Variants in PDE4D observed in about 807,000 individuals in gnomAD.
The protein encoded by PDE4D is 3',5'-cyclic-AMP phosphodiesterase 4D.
PDE4D carries 24 observed loss-of-function variants against 87.4 expected under a neutral mutation model. The ratio of observed to expected loss-of-function variants is 0.27; its 90% CI spans 0.20 to 0.39. The LOEUF is 0.39. Among genes scored for constraint, PDE4D ranks in the 10% least tolerant of loss-of-function variants. The pLI is 1.00. For synonymous variants in PDE4D, 384 were observed against 383.2 expected (o/e 1.00, Z -0.02); for missense variants, 714 against 1,041.0 (o/e 0.69, Z 4.32).
At chr5:59,668,167 A>G (rs1376559556) in intron 1 of PDE4D, among the ~76,000 whole-genome samples, 1 of 152,214 alleles carries the variant, frequency 6.6e-6, no homozygotes, top group Non-Finnish European at 1.5e-5. Context: ...TGTAATTGGG[A>G]GTAAAGGGAG....
chr5:60,187,332 T>C lies in PDE4D; in HGVS notation c.-89-1645A>G, dbSNP rs561875859. On this transcript the variant is annotated intron_variant, in intron 1 of 16. Transcript: ENST00000502484. ...ATAGGTCCCAGAAAATGCAGAATTATGTTACTCATGTAATTTAGGAATTGG... is the reference window on the plus strand; with the variant it reads ...ATAGGTCCCAGAAAATGCAGAATTACGTTACTCATGTAATTTAGGAATTGG... Among the ~76,000 whole-genome samples the C allele has an allele frequency of 4.6e-5, 7 of 152,332 alleles. No homozygotes were observed. The East Asian group carries it at 1.2e-3, about 25-fold the overall frequency.
At chr5:59,921,273 GT>G (rs1332821166) in intron 3 of PDE4D, among the ~76,000 whole-genome samples, 1 of 152,040 alleles carries the variant, frequency 6.6e-6, no homozygotes, top group Admixed American at 6.6e-5. Context: ...AAAAATTAAT[GT>G]TTTTTGCAAA....
intron 1 of PDE4D, among the ~76,000 whole-genome samples, chr5:60,332,105 C>T (rs571778059): frequency 1.5e-4 from 23 of 152,294 alleles, no homozygotes; most frequent in Middle Eastern, 3.4e-3. Flanking sequence ...ATTAAACATA[C>T]TTTGTATAAT....
chr5:59,574,150 ATATT>A (rs1561242506), intron 1 of PDE4D, among the ~76,000 whole-genome samples: 87 of 73,952 alleles, frequency 1.2e-3, no homozygotes, highest in African/African-American at 4.6e-3. Flanking sequence ...ATATAAATAT[ATATT>A]TATATATATA....
chr5:59,221,381 C>T (rs1476339886), intron 1 of PDE4D, among the ~76,000 whole-genome samples: 5 of 152,138 alleles, frequency 3.3e-5, no homozygotes, highest in Non-Finnish European at 5.9e-5. Context: ...CCTATAATCC[C>T]AGCACTTTAG....
At chr5:59,320,996 G>A (rs774144149) in intron 1 of PDE4D, among the ~76,000 whole-genome samples, 15 of 151,820 alleles carry the variant, frequency 9.9e-5, no homozygotes, top group African/African-American at 2.9e-4. Context: ...TTCTAAAGTC[G>A]GTTGCTCTAA....
intron 1 of PDE4D, among the ~76,000 whole-genome samples, chr5:59,877,816 CA>C (rs11375742): frequency 1.3e-5 from 2 of 150,530 alleles, no homozygotes; most frequent in African/African-American, 4.9e-5. Context: ...AAGATTCTGC[CA>C]AAAAAAAGAG....
intron 1 of PDE4D, among the ~76,000 whole-genome samples, chr5:59,814,682 G>C (rs145319762): frequency 6.6e-6 from 1 of 152,130 alleles, no homozygotes; most frequent in Non-Finnish European, 1.5e-5. Flanking sequence ...CAGACCTCTC[G>C]CCACAAAAGG....
chr5:60,118,428 A>G (rs1298073081), intron 2 of PDE4D, among the ~76,000 whole-genome samples: 2 of 152,090 alleles, frequency 1.3e-5, no homozygotes, highest in Non-Finnish European at 2.9e-5. Context: ...ATGCTTTTCA[A>G]TTTGTGCCTG....
intron 1 of PDE4D, among the ~76,000 whole-genome samples, chr5:59,691,616 T>C (rs1256731237): frequency 2.6e-5 from 4 of 151,538 alleles, no homozygotes; most frequent in Non-Finnish European, 4.4e-5. Flanking sequence ...ATATACGTAA[T>C]GTAAATGACA....
At chr5:59,390,386 T>C (rs1787999779) in intron 1 of PDE4D, among the ~76,000 whole-genome samples, 1 of 152,154 alleles carries the variant, frequency 6.6e-6, no homozygotes, top group Admixed American at 6.6e-5. Context: ...TGCTTGAACA[T>C]CTAACAATGC....
At chr5:60,206,887 A>G (rs1177320800) in intron 1 of PDE4D, among the ~76,000 whole-genome samples, 2 of 152,252 alleles carry the variant, frequency 1.3e-5, no homozygotes, top group Non-Finnish European at 2.9e-5. Flanking sequence ...CAAGGCTAAC[A>G]CTAGAAACAA....
intron 5 of PDE4D, among the ~76,000 whole-genome samples, chr5:59,168,395 C>T (rs1041943211): frequency 2.2e-4 from 34 of 152,206 alleles, no homozygotes; most frequent in African/African-American, 7.7e-4. Context: ...TTCTCACACA[C>T]ACCTGGGCCT....
intron 1 of PDE4D, among the ~76,000 whole-genome samples, chr5:60,350,029 C>G (rs142354127): frequency 6.6e-6 from 1 of 152,238 alleles, no homozygotes; most frequent in Non-Finnish European, 1.5e-5. Context: ...AAGTAGGTTA[C>G]AGAGTCATTC....
At chr5:60,312,029 C>T (rs1162278449) in intron 1 of PDE4D, among the ~76,000 whole-genome samples, 1 of 152,126 alleles carries the variant, frequency 6.6e-6, no homozygotes. Flanking sequence ...AACACAGGAG[C>T]ACCCAGATTC....
chr5:59,768,032 C>G (rs1581006153), intron 1 of PDE4D, among the ~76,000 whole-genome samples: 1 of 152,122 alleles, frequency 6.6e-6, no homozygotes, highest in East Asian at 1.9e-4. Flanking sequence ...ACTTTGAGAA[C>G]CACCCACCTC....
chr5:59,545,747 G>T (rs114031871), intron 1 of PDE4D, among the ~76,000 whole-genome samples: 3,970 of 152,106 alleles, frequency 0.026, 174 homozygotes, highest in African/African-American at 0.09. Flanking sequence ...TGCCCCTACT[G>T]TAAAAATTCA....
chr5:60,292,855 C>T lies in PDE4D; in HGVS notation c.-89-107168G>A, dbSNP rs1012858743. On this transcript the variant is annotated intron_variant, in intron 1 of 16. Transcript: ENST00000502484. ...TACTCTCAATTCTAAGACTAGTTTC[C>T]ATAATCATGTTGTTGTTGGAACATA... Among the ~76,000 whole-genome samples the T allele has an allele frequency of 7.2e-5, 11 of 152,244 alleles. No homozygotes were observed. The East Asian group carries it at 2.1e-3, about 29-fold the overall frequency.
chr5:59,049,097 C>T (rs17776825), intron 5 of PDE4D, among the ~76,000 whole-genome samples: 35,316 of 152,110 alleles, frequency 0.23, 5,069 homozygotes, highest in Middle Eastern at 0.39. Context: ...ACATCTAAGA[C>T]TATCCCATCC....
Sources: allele counts gnomAD v4.1 joint callset (sites outside exome capture counted in the v4.1 genomes callset), GRCh38; gene constraint gnomAD v4.1.1; transcripts MANE v1.5; gene names NCBI Gene and HGNC (gene_info 2026-07-23, HGNC 2026-07-21).